The following EEA1 variants were observed in gnomAD, a reference collection of about 807,000 sequenced individuals.
EEA1 encodes the protein early endosome antigen 1, 162kD.
Under a neutral mutation model 209.2 loss-of-function variants are expected in EEA1, and 111 were observed. The ratio of observed to expected loss-of-function variants is 0.53; its 90% CI spans 0.45 to 0.62. The LOEUF is 0.62. EEA1 is among the 20% of genes least tolerant of loss of function. EEA1 has a pLI of 0.00. For missense variants in EEA1, 1,343 were observed against 1,530.8 expected, an observed-to-expected ratio of 0.88 and a Z score of 2.05; for synonymous variants, 536 against 540.6, an observed-to-expected ratio of 0.99 and a Z score of 0.12.
At chr12:92,920,991 T>G (rs1320313642) in intron 1 of EEA1, among the ~76,000 whole-genome samples, 1 of 150,930 alleles carries the variant, frequency 6.6e-6, no homozygotes, top group Non-Finnish European at 1.5e-5. Context: ...AAAAAACACA[T>G]GAAAAAATGC....
At chr12:92,874,820 A>G (rs11106727) in intron 2 of EEA1, among the ~76,000 whole-genome samples, 19,569 of 152,246 alleles carry the variant, frequency 0.13, 1,543 homozygotes, top group East Asian at 0.3. Flanking sequence ...GAAATATTGT[A>G]TATCACAAAA....
Position 92,772,316 on chromosome 12 carries a change from A to G in EEA1, c.*3695T>C, listed in dbSNP as rs1873465071. On this transcript the variant is annotated 3_prime_UTR_variant, in exon 29 of 29. Transcript: ENST00000322349. ...CTCTACAATATTAAATGGAATGTCT[A>G]AGGCAAAATGGCATTAATAATTTCT... 1 of 151,932 alleles carries G rather than the reference A, an allele frequency of 6.6e-6. No homozygotes were observed. Among genetic ancestry groups the G allele is most frequent in the Non-Finnish European group, 1.5e-5 (1 of 67,838 alleles). 9.4% of individuals were successfully genotyped at this position (151,932 alleles called of 1,614,324 possible).
At chr12:92,887,255 G>T (rs1159821806) in intron 2 of EEA1, among the ~76,000 whole-genome samples, 2 of 152,104 alleles carry the variant, frequency 1.3e-5, no homozygotes, top group Non-Finnish European at 2.9e-5. Flanking sequence ...GGAGGCCAAG[G>T]CAGGAGGATC....
chr12:92,926,819 G>A (rs1316124639), intron 1 of EEA1, among the ~76,000 whole-genome samples: 1 of 151,910 alleles, frequency 6.6e-6, no homozygotes, highest in Non-Finnish European at 1.5e-5. Flanking sequence ...ATATGCCCCC[G>A]TCCCTGAAGC....
At chr12:92,835,314 G>A (rs977449529) in intron 10 of EEA1, 1 of 253,954 alleles carries the variant, frequency 3.9e-6, no homozygotes, top group Non-Finnish European at 7.8e-6. Context: ...CATATAATGA[G>A]TTAGAGTCTT....
At chr12:92,792,652 C>A (rs1874462017) in intron 21 of EEA1, among the ~76,000 whole-genome samples, 2 of 151,916 alleles carry the variant, frequency 1.3e-5, no homozygotes, top group African/African-American at 4.8e-5. Context: ...GCCTACCAAC[C>A]AAAAAAAGTC....
At chr12:92,801,398 C>T (rs1049551184) in intron 20 of EEA1, among the ~76,000 whole-genome samples, 1 of 151,604 alleles carries the variant, frequency 6.6e-6, no homozygotes, top group Non-Finnish European at 1.5e-5. Flanking sequence ...CAATTTTAAA[C>T]TATATACATG....
At chr12:92,860,488 G>T (rs1366630886) in intron 3 of EEA1, among the ~76,000 whole-genome samples, 1 of 152,066 alleles carries the variant, frequency 6.6e-6, no homozygotes, top group Non-Finnish European at 1.5e-5. Flanking sequence ...TGTATTCTGG[G>T]GTATGGCCTT....
chr12:92,804,064 C>A (rs1384068792), intron 18 of EEA1, among the ~76,000 whole-genome samples: 1 of 151,804 alleles, frequency 6.6e-6, no homozygotes, highest in African/African-American at 2.4e-5. Flanking sequence ...TTTTTAGAAA[C>A]TGATAGAACA....
At chr12:92,920,317 T>C (rs1880936952) in intron 1 of EEA1, among the ~76,000 whole-genome samples, 1 of 114,612 alleles carries the variant, frequency 8.7e-6, no homozygotes, top group Non-Finnish European at 1.8e-5. Flanking sequence ...AGAACAAAGC[T>C]GGAGGCATCA....
At chr12:92,916,969 C>A (rs945397164) in intron 1 of EEA1, among the ~76,000 whole-genome samples, 28 of 151,480 alleles carry the variant, frequency 1.8e-4, no homozygotes, top group Admixed American at 1.8e-3. Flanking sequence ...GGAGCCGACG[C>A]GATCAACTGG....
chr12:92,870,295 A>G (rs2136729730), intron 2 of EEA1, among the ~76,000 whole-genome samples: 1 of 152,290 alleles, frequency 6.6e-6, no homozygotes, highest in East Asian at 1.9e-4. Flanking sequence ...AGGTTGCATT[A>G]TTTTATAAGA....
At chr12:92,865,714 T>TTTTTATTTTA (rs79830023) in intron 2 of EEA1, among the ~76,000 whole-genome samples, 404 of 142,432 alleles carry the variant, frequency 2.8e-3, no homozygotes, top group Admixed American at 4.5e-3. Context: ...AACTTTTATT[T>TTTTTATTTTA]TTTTATTTTA....
chr12:92,835,950 A>G (rs564049339), intron 10 of EEA1, among the ~76,000 whole-genome samples: 2 of 152,256 alleles, frequency 1.3e-5, no homozygotes, highest in South Asian at 4.1e-4. Context: ...AAAACTTTTC[A>G]TTTTTATTAT....
chr12:92,902,614 G>A (rs931994183), intron 1 of EEA1, among the ~76,000 whole-genome samples: 5 of 151,900 alleles, frequency 3.3e-5, no homozygotes, highest in South Asian at 2.1e-4. Context: ...GGTGGCGGGC[G>A]CTTGTAATCC....
At chr12:92,816,583 A>T (rs1875795233) in intron 14 of EEA1, among the ~76,000 whole-genome samples, 183 bp from the exon 15 acceptor site, 1 of 152,218 alleles carries the variant, frequency 6.6e-6, no homozygotes, top group Admixed American at 6.5e-5. Context: ...AAGAAATAAC[A>T]TTAAATTCAA....
intron 9 of EEA1, among the ~76,000 whole-genome samples, chr12:92,844,800 C>A (rs566892622): frequency 1.3e-5 from 2 of 151,948 alleles, no homozygotes; most frequent in African/African-American, 4.8e-5. Flanking sequence ...TGGCACATAA[C>A]GCACAGAAAT....
chr12:92,799,168 T>C, intron 20 of EEA1, 82 bp from the exon 21 acceptor site: 2 of 1,213,382 alleles, frequency 1.6e-6, no homozygotes, highest in South Asian at 3.8e-5. Context: ...AAAAAATCTA[T>C]TTAGCCTTCA....
chr12:92,853,119 A>T, intron 6 of EEA1, 94 bp from the exon 7 acceptor site: 1 of 798,360 alleles, frequency 1.3e-6, no homozygotes, highest in Non-Finnish European at 1.9e-6. Flanking sequence ...AAGATGATCA[A>T]CTTAAGTTTA....
Sources: allele counts gnomAD v4.1 joint callset (sites outside exome capture counted in the v4.1 genomes callset), GRCh38; gene constraint gnomAD v4.1.1; transcripts MANE v1.5; gene names NCBI Gene and HGNC (gene_info 2026-07-23, HGNC 2026-07-21).